EGFR: variants seen among roughly 807,000 people sequenced by gnomAD.
EGFR encodes the protein epidermal growth factor receptor, also known as avian erythroblastic leukemia viral (v-erb-b) oncogene homolog.
Under a neutral mutation model 143.0 loss-of-function variants are expected in EGFR, and 58 were observed. The observed-to-expected ratio is 0.41, with a 90% CI of 0.33 to 0.50. The LOEUF is 0.50. Among genes scored for constraint, EGFR ranks in the 20% least tolerant of loss-of-function variants. The pLI, the probability that EGFR is intolerant of heterozygous loss-of-function variation, is 0.39. For missense variants in EGFR, 1,307 were observed against 1,579.0 expected, an observed-to-expected ratio of 0.83 and a Z score of 2.92; for synonymous variants, 613 against 594.4, an observed-to-expected ratio of 1.03 and a Z score of -0.45.
At chr7:55,065,946 GGCCTCCTGAA>G (rs1789473915) in intron 1 of EGFR, among the ~76,000 whole-genome samples, 1 of 150,306 alleles carries the variant, frequency 6.7e-6, no homozygotes. Flanking sequence ...CCCTGGAGAA[GGCCTCCTGAA>G]GCCTGGCCCT....
intron 19 of EGFR, chr7:55,180,932 C>G: frequency 2.7e-6 from 1 of 373,466 alleles, no homozygotes; most frequent in Non-Finnish European, 5.1e-6. Flanking sequence ...ACACAGCATC[C>G]TCAACCTTGA....
At chr7:55,188,273 A>G (rs1017733120) in intron 20 of EGFR, among the ~76,000 whole-genome samples, 1 of 152,030 alleles carries the variant, frequency 6.6e-6, no homozygotes, top group African/African-American at 2.4e-5. Flanking sequence ...TACAAAATAG[A>G]ACACAAACAA....
At chr7:55,061,517 T>G (rs1052797872) in intron 1 of EGFR, among the ~76,000 whole-genome samples, 1 of 152,188 alleles carries the variant, frequency 6.6e-6, no homozygotes, top group Non-Finnish European at 1.5e-5. Flanking sequence ...TTGCCCTGCA[T>G]GCATTTCTTT....
In EGFR at chr7:55,126,632, A is replaced by G. The variant is rs545101580; in HGVS notation, c.89-15654A>G. Among the ~76,000 whole-genome samples the G allele has an allele frequency of 7.4e-4, 113 of 152,326 alleles. 2 individuals carry two copies. Among genetic ancestry groups the G allele is most frequent in the South Asian group, 6.6e-3 (32 of 4,822 alleles). ...GTGAGGGGGAGAGAAATGCTCCTGC[A>G]CTGCCTCTGATTAACTGCTTTCCTA... On this transcript the variant is annotated intron_variant, in intron 1 of 27. Coordinates refer to ENST00000275493, the MANE Select transcript of EGFR (RefSeq NM_005228.5).
At chr7:55,103,411 C>T (rs1311185925) in intron 1 of EGFR, among the ~76,000 whole-genome samples, 2 of 152,230 alleles carry the variant, frequency 1.3e-5, no homozygotes, top group Non-Finnish European at 1.5e-5. Context: ...AATATGTCTT[C>T]AAATATATCT....
intron 1 of EGFR, among the ~76,000 whole-genome samples, chr7:55,132,705 G>GTGTGTGCTC (rs1562743672): frequency 6.6e-6 from 1 of 152,134 alleles, no homozygotes; most frequent in Non-Finnish European, 1.5e-5. Flanking sequence ...CCTCTACACT[G>GTGTGTGCTC]CATGGCTCTG....
At chr7:55,050,601 C>T (rs1788432765) in intron 1 of EGFR, among the ~76,000 whole-genome samples, 1 of 152,150 alleles carries the variant, frequency 6.6e-6, no homozygotes, top group South Asian at 2.1e-4. Context: ...TCAAGTCACT[C>T]CCCAGCTTAA....
In EGFR at chr7:55,209,835, AAC is replaced by A. The variant is rs1788196882; in HGVS notation, c.*4222_*4223del. On this transcript the variant is annotated 3_prime_UTR_variant, in exon 28 of 28. Coordinates refer to ENST00000275493, the MANE Select transcript of EGFR (RefSeq NM_005228.5). ...AGAAACTCATTTTTCTACTAAAACAAACACAGTTTACTTTAGAGAGACTGCAA... is the reference window on the plus strand; with the variant it reads ...AGAAACTCATTTTTCTACTAAAACAAACAGTTTACTTTAGAGAGACTGCAA... 2 of 152,254 alleles carry A rather than the reference AAC, an allele frequency of 1.3e-5. No homozygotes were observed. The highest frequency in any genetic ancestry group is 2.1e-4 in the South Asian group (1 of 4,828). 9.4% of individuals were successfully genotyped at this position (152,254 alleles called of 1,614,324 possible). A position where few individuals can be genotyped will look rare whatever the true frequency, so the allele number is the denominator to read the frequency against.
chr7:55,071,660 C>G (rs2128884153), intron 1 of EGFR, among the ~76,000 whole-genome samples: 1 of 152,350 alleles, frequency 6.6e-6, no homozygotes, highest in East Asian at 1.9e-4. Flanking sequence ...TGCGTAGGCA[C>G]ACGCACAGCT....
chr7:55,104,191 T>C lies in EGFR; in HGVS notation c.89-38095T>C, dbSNP rs185155279. ...CTGGTAGGCACTATCCCGAGTGCTT[T>C]GGCCCCTCATCCACAATCTGTGTGG... On this transcript the variant is annotated intron_variant, in intron 1 of 27. Transcript: ENST00000275493. 1.1e-3 allele frequency among the ~76,000 whole-genome samples: 174 copies of C among 152,310 alleles called. 2 individuals are homozygous for C. The highest frequency in any genetic ancestry group is 3.8e-3 in the African/African-American group (158 of 41,570).
chr7:55,136,825 G>A lies in EGFR; in HGVS notation c.89-5461G>A, dbSNP rs183067264. On this transcript the variant is annotated intron_variant, in intron 1 of 27. Coordinates refer to ENST00000275493, the MANE Select transcript of EGFR (RefSeq NM_005228.5). ...GCTAAACAGCTGATACTATACAGTG[G>A]ACTGTGTCACCAGCATTTTGGGGAT... 2.0e-5 allele frequency among the ~76,000 whole-genome samples: 3 copies of A among 152,326 alleles called. No individual in the cohort carries two copies. In the East Asian group the frequency reaches 5.8e-4, roughly 29 times the overall value.
At chr7:55,050,240 C>T (rs1788411072) in intron 1 of EGFR, among the ~76,000 whole-genome samples, 1 of 152,186 alleles carries the variant, frequency 6.6e-6, no homozygotes, top group Admixed American at 6.5e-5. Context: ...TAAGCAATGG[C>T]TCTGTTTTCC....
chr7:55,077,998 G>A (rs1790228494), intron 1 of EGFR, among the ~76,000 whole-genome samples: 2 of 152,082 alleles, frequency 1.3e-5, no homozygotes, highest in African/African-American at 2.4e-5. Context: ...TGGGTGTGGA[G>A]GGGGAGGCAG....
Position 55,066,644 on chromosome 7 carries a change from G to A in EGFR, c.88+47279G>A, listed in dbSNP as rs757465129. 7.2e-5 allele frequency among the ~76,000 whole-genome samples: 11 copies of A among 152,194 alleles called. 1 individual carries two copies. Among genetic ancestry groups the A allele is most frequent in the Non-Finnish European group, 1.6e-4 (11 of 68,026 alleles). On this transcript the variant is annotated intron_variant, in intron 1 of 27. Coordinates refer to ENST00000275493, the MANE Select transcript of EGFR (RefSeq NM_005228.5). ...AAAAGCTTTGGTTGCTATTGTGAAA[G>A]TCAGCTGAATTCCTTCCACCGTGCT...
chr7:55,080,781 A>G (rs1790420202), intron 1 of EGFR, among the ~76,000 whole-genome samples: 1 of 152,224 alleles, frequency 6.6e-6, no homozygotes, highest in South Asian at 2.1e-4. Context: ...ATATATCAAA[A>G]CATCATGTTG....
chr7:55,096,828 G>A (rs1791501333), intron 1 of EGFR, among the ~76,000 whole-genome samples: 1 of 152,180 alleles, frequency 6.6e-6, no homozygotes, highest in Admixed American at 6.5e-5. Flanking sequence ...CTGGAGCCAG[G>A]GAAGGGCACA....
Position 55,201,772 on chromosome 7 carries a change from A to C in EGFR, c.3152A>C (p.Asp1051Ala), listed in dbSNP as rs755574890. Reference sequence around the variant, plus strand: ...AACAATTCCACCGTGGCTTGCATTGATAGAAATGGGGTATGTATGAACACC... The same window carrying C: ...AACAATTCCACCGTGGCTTGCATTGCTAGAAATGGGGTATGTATGAACACC... ...TSNNSTVACI[D>A]RNGLQSCPIK... The change falls in exon 26 of 28, where the codon GAT (aspartate) becomes GCT (alanine). Residue 1051 changes from aspartate (D) to alanine (A), a missense_variant. This residue lies in a region of EGFR where 313 missense variants were observed against 312.3 expected (regional missense o/e 1.00). Coordinates refer to ENST00000275493, the MANE Select transcript of EGFR (RefSeq NM_005228.5). 1 of 1,614,210 alleles carries C rather than the reference A, an allele frequency of 6.2e-7. No individual in the cohort carries two copies. The highest frequency in any genetic ancestry group is 1.1e-5 in the South Asian group (1 of 91,084).
At chr7:55,137,632 A>G (rs968077695) in intron 1 of EGFR, among the ~76,000 whole-genome samples, 2 of 152,252 alleles carry the variant, frequency 1.3e-5, no homozygotes, top group African/African-American at 2.4e-5. Context: ...ATAACTTCGT[A>G]TATCCACTTT....
chr7:55,070,117 A>C (rs1789734231), intron 1 of EGFR, among the ~76,000 whole-genome samples: 1 of 152,252 alleles, frequency 6.6e-6, no homozygotes, highest in Non-Finnish European at 1.5e-5. Context: ...AAAGGAGAAC[A>C]ATGCTATATG....
Sources: gnomAD v4.1 joint callset for allele counts (sites outside exome capture counted in the v4.1 genomes callset) on GRCh38, gnomAD v4.1.1 for gene constraint, gnomAD v4.1.1 regional missense constraint, MANE v1.5 for transcripts, NCBI Gene and HGNC (gene_info 2026-07-23, HGNC 2026-07-21) for gene names.